The following CNBD1 variants were observed in gnomAD, a reference collection of about 807,000 sequenced individuals.
The protein encoded by CNBD1 is cyclic nucleotide binding domain containing 1.
Under a neutral mutation model 54.4 loss-of-function variants are expected in CNBD1, and 71 were observed. The observed-to-expected ratio is 1.30, with a 90% CI of 1.08 to 1.59. The LOEUF is 1.59. Ranked by LOEUF, CNBD1 falls within the 40% of genes most tolerant of loss-of-function variation. CNBD1 has a pLI of 0.00. For missense variants in CNBD1, 659 were observed against 518.0 expected (o/e 1.27, Z -2.64); for synonymous variants, 182 against 170.7 (o/e 1.07, Z -0.51).
chr8:87,383,498 A>T (rs1811129492), downstream of CNBD1, among the ~76,000 whole-genome samples: 1 of 152,158 alleles, frequency 6.6e-6, no homozygotes, highest in African/African-American at 2.4e-5. Context: ...CATGGAGGAA[A>T]TATAGAGTCA....
chr8:86,956,942 T>C (rs1484842027), intron 4 of CNBD1, among the ~76,000 whole-genome samples: 1 of 152,196 alleles, frequency 6.6e-6, no homozygotes, highest in African/African-American at 2.4e-5. Context: ...TTTTTGCCCA[T>C]TCAGTATGAT....
At chr8:87,335,817 T>G (rs1275831062) in intron 8 of CNBD1, among the ~76,000 whole-genome samples, 2 of 152,170 alleles carry the variant, frequency 1.3e-5, no homozygotes, top group Non-Finnish European at 2.9e-5. Flanking sequence ...CTTTATATTT[T>G]TTGTGTGTTT....
chr8:87,052,994 C>T (rs960393710), intron 4 of CNBD1, among the ~76,000 whole-genome samples: 16 of 117,870 alleles, frequency 1.4e-4, no homozygotes, highest in Admixed American at 4.7e-4. Context: ...CTGGAATGGC[C>T]GATGATATAG....
intron 1 of CNBD1, among the ~76,000 whole-genome samples, chr8:86,885,759 T>C (rs996713984): frequency 2.0e-5 from 3 of 152,302 alleles, no homozygotes; most frequent in Non-Finnish European, 2.9e-5. Context: ...AGCAAAGAGA[T>C]GTTTTGATGA....
intron 1 of CNBD1, among the ~76,000 whole-genome samples, chr8:86,884,868 C>T (rs1808659236): frequency 3.9e-5 from 6 of 152,106 alleles, no homozygotes; most frequent in Admixed American, 2.6e-4. Flanking sequence ...GTATGTACTC[C>T]AACTACTTTG....
chr8:87,413,742 A>C (rs1211416803), intron 2 of CNBD1, among the ~76,000 whole-genome samples: 2 of 113,994 alleles, frequency 1.8e-5, no homozygotes, highest in Non-Finnish European at 3.6e-5. Context: ...AAAAGAAGAC[A>C]TTTATGCAGC....
intron 6 of CNBD1, among the ~76,000 whole-genome samples, chr8:87,264,346 G>A (rs1226775685): frequency 6.6e-6 from 1 of 152,092 alleles, no homozygotes; most frequent in East Asian, 1.9e-4. Context: ...TTTTATGGCT[G>A]CATAGTATTC....
rs146020170 is a variant in CNBD1 at position 87,069,532 on chromosome 8, G to T, written c.431+129778G>T. On this transcript the variant is annotated intron_variant, in intron 4 of 10. Coordinates refer to ENST00000518476, the MANE Select transcript of CNBD1 (RefSeq NM_173538.3). ...CAATAGGCTATACCATATAGCCTAGGTGTATAGTAGGATATACCATCTAGG... is the reference window on the plus strand; with the variant it reads ...CAATAGGCTATACCATATAGCCTAGTTGTATAGTAGGATATACCATCTAGG... Among the ~76,000 whole-genome samples the T allele has an allele frequency of 2.2e-3, 339 of 152,152 alleles. 1 individual carries two copies. The highest frequency in any genetic ancestry group is 7.7e-3 in the African/African-American group (318 of 41,538).
chr8:86,888,314 GAGA>G (rs1287716980), intron 2 of CNBD1, among the ~76,000 whole-genome samples: 2 of 152,002 alleles, frequency 1.3e-5, no homozygotes, highest in African/African-American at 4.8e-5. Context: ...CTCAGAGAGA[GAGA>G]AGAAGGCATG....
At chr8:87,176,204 G>T (rs936138372) in intron 4 of CNBD1, among the ~76,000 whole-genome samples, 1 of 152,090 alleles carries the variant, frequency 6.6e-6, no homozygotes, top group Admixed American at 6.5e-5. Context: ...ACCTGATTTT[G>T]GTTCTCATGA....
chr8:87,343,548 T>G (rs1209660819), intron 8 of CNBD1, among the ~76,000 whole-genome samples: 1 of 152,210 alleles, frequency 6.6e-6, no homozygotes, highest in East Asian at 1.9e-4. Context: ...AACATGTAAC[T>G]TATAACTATA....
At position 87,401,988 on chromosome 8, in the gene CNBD1, G is replaced by A. The variant is rs538878370; in HGVS notation, c.214-26558G>A. Among the ~76,000 whole-genome samples the A allele has an allele frequency of 1.5e-3, 230 of 152,030 alleles. 1 individual carries two copies. Among genetic ancestry groups the A allele is most frequent in the African/African-American group, 5.3e-3 (221 of 41,502 alleles). ...TATTAGTTCATTTTCATACTGTTAT[G>A]AAGAAATATCCAAGACCTGGTAATC... On this transcript the variant is annotated intron_variant, in intron 2 of 7. Coordinates refer to the CNBD1 transcript ENST00000521593.
At chr8:86,954,301 G>A (rs1586159215) in intron 4 of CNBD1, among the ~76,000 whole-genome samples, 1 of 152,164 alleles carries the variant, frequency 6.6e-6, no homozygotes, top group Non-Finnish European at 1.5e-5. Context: ...TTGACCATGA[G>A]CTGAGATTCT....
chr8:86,928,799 C>G (rs899287152), intron 3 of CNBD1, among the ~76,000 whole-genome samples: 1 of 152,198 alleles, frequency 6.6e-6, no homozygotes, highest in African/African-American at 2.4e-5. Context: ...GTCAGATGGT[C>G]TGTAGGAGAT....
At chr8:87,116,786 C>G (rs1811780475) in intron 4 of CNBD1, among the ~76,000 whole-genome samples, 1 of 152,112 alleles carries the variant, frequency 6.6e-6, no homozygotes, top group Admixed American at 6.5e-5. Flanking sequence ...AGGTCAACTG[C>G]AATGTGCCAG....
At chr8:87,398,146 T>G (rs1000147597) in intron 2 of CNBD1, among the ~76,000 whole-genome samples, 7 of 151,578 alleles carry the variant, frequency 4.6e-5, no homozygotes, top group Non-Finnish European at 4.4e-5. Flanking sequence ...TATACCTGTG[T>G]TGTCAGCAAA....
intron 10 of CNBD1, among the ~76,000 whole-genome samples, chr8:87,380,481 G>T (rs552212156): frequency 6.6e-6 from 1 of 151,742 alleles, no homozygotes; most frequent in Non-Finnish European, 1.5e-5. Flanking sequence ...TCTTTCTGCA[G>T]ATTGATTTGG....
At chr8:87,234,092 A>G (rs1269821559) in intron 5 of CNBD1, among the ~76,000 whole-genome samples, 1 of 152,170 alleles carries the variant, frequency 6.6e-6, no homozygotes, top group East Asian at 1.9e-4. Flanking sequence ...GATTGCAGCA[A>G]TTCAGTCACA....
intron 10 of CNBD1, among the ~76,000 whole-genome samples, chr8:87,362,402 C>A (rs1203778268): frequency 1.3e-5 from 2 of 152,084 alleles, no homozygotes; most frequent in African/African-American, 4.8e-5. Context: ...GTACACACTG[C>A]CCCTTGTTCA....
Sources: gnomAD v4.1 joint callset for allele counts (sites outside exome capture counted in the v4.1 genomes callset) on GRCh38, gnomAD v4.1.1 for gene constraint, MANE v1.5 for transcripts, NCBI Gene and HGNC (gene_info 2026-07-23, HGNC 2026-07-21) for gene names.